The following PCDHA2 variants were observed in gnomAD, a reference collection of about 807,000 sequenced individuals.
The protein encoded by PCDHA2 is protocadherin alpha 2.
In PCDHA2, 58 loss-of-function variants were observed where a neutral mutation model predicts 66.0. That is an observed-to-expected ratio of 0.88 (90% CI 0.71 to 1.09). The LOEUF is 1.09. Ranked by LOEUF, PCDHA2 falls within the 50% of genes least tolerant of loss-of-function variation. The probability of loss-of-function intolerance (pLI) is 0.00; values close to 1 mark genes in which losing one functional copy is unlikely to be tolerated. For synonymous variants in PCDHA2, 634 were observed against 554.0 expected, an observed-to-expected ratio of 1.14 and a Z score of -2.03; for missense variants, 1,267 against 1,242.3, an observed-to-expected ratio of 1.02 and a Z score of -0.30.
intron 1 of PCDHA2, chr5:140,870,613 T>C (rs1562647895): frequency 1.2e-6 from 2 of 1,613,078 alleles, no homozygotes; most frequent in Non-Finnish European, 1.7e-6. Flanking sequence ...CCGCGCGCTG[T>C]CGAGCTACGT....
chr5:140,900,000 A>G (rs1374747791), intron 1 of PCDHA2, among the ~76,000 whole-genome samples: 1 of 151,872 alleles, frequency 6.6e-6, no homozygotes, highest in Non-Finnish European at 1.5e-5. Flanking sequence ...TGTAGAGATG[A>G]GGTCTCACTT....
chr5:140,994,911 A>C (rs527704488), intron 3 of PCDHA2, among the ~76,000 whole-genome samples: 4 of 152,222 alleles, frequency 2.6e-5, no homozygotes, highest in African/African-American at 9.6e-5. Flanking sequence ...TGTAGACTGG[A>C]ATCAGATTTT....
intron 1 of PCDHA2, among the ~76,000 whole-genome samples, chr5:140,972,633 T>G (rs1230723429): frequency 6.6e-6 from 1 of 151,644 alleles, no homozygotes; most frequent in Non-Finnish European, 1.5e-5. Context: ...TGGCACTCCC[T>G]TCAGAGTCTC....
At position 140,926,602 on chromosome 5, in the gene PCDHA2, C is replaced by T. The variant is rs1326525373; in HGVS notation, c.2389-52347C>T. 9 of 324,032 alleles carry T rather than the reference C, an allele frequency of 2.8e-5. No homozygotes were observed. The East Asian group carries it at 4.7e-4, about 17-fold the overall frequency. The allele number at this position is 324,032 out of a possible 1,614,324, so 20.1% of individuals were successfully genotyped here. On this transcript the variant is annotated intron_variant, in intron 1 of 3. Coordinates refer to ENST00000526136, the MANE Select transcript of PCDHA2 (RefSeq NM_018905.3). ...CCTCTCGCGCCCGGGCGGGCGGCCT[C>T]GTCTCTGCACCCCTAGGCGGCGCTG...
At chr5:140,803,635 C>A (rs1763253156) in intron 1 of PCDHA2, 2 of 1,613,642 alleles carry the variant, frequency 1.2e-6, no homozygotes, top group Non-Finnish European at 8.5e-7. Flanking sequence ...CTTTGTTTTT[C>A]ATTCCTCAAT....
chr5:140,884,555 G>C, intron 1 of PCDHA2: 1 of 1,614,098 alleles, frequency 6.2e-7, no homozygotes, highest in Non-Finnish European at 8.5e-7. Context: ...CTCTGGGGAG[G>C]GCCCGCATAA....
In PCDHA2 at chr5:140,796,442, C is replaced by T. The variant is rs533353991; in HGVS notation, c.1478C>T (p.Ser493Leu). 3.1e-6 allele frequency: 5 copies of T among 1,613,292 alleles called. No homozygotes were observed. The highest frequency in any genetic ancestry group is 3.4e-6 in the Non-Finnish European group (4 of 1,179,938). The change falls in exon 1 of 4, where the codon TCG (serine) becomes TTG (leucine). Residue 493 changes from serine (S) to leucine (L), a missense_variant. Transcript: ENST00000526136. ...CAGGAGAACGCGCTGGTGTCCTACT[C>T]GCTGGTGGAGCGGCGGGTGGGCGAG... ...DAQENALVSY[S>L]LVERRVGERA...
At position 140,832,108 on chromosome 5, in the gene PCDHA2, G is replaced by A. The variant is rs1023824002; in HGVS notation, c.2388+34756G>A. The stretch of plus-strand genomic sequence containing the variant: ...TTAAATGCCATGTTCTACATTAAAA[G>A]CAATTTAAAATGTGTGTTTCAAAGT... On this transcript the variant is annotated intron_variant, in intron 1 of 3. Transcript: ENST00000526136. Among the ~76,000 whole-genome samples the A allele has an allele frequency of 1.6e-4, 24 of 152,270 alleles. No homozygotes were observed. The South Asian group carries it at 2.3e-3, about 14-fold the overall frequency.
chr5:140,850,420 C>T lies in PCDHA2; in HGVS notation c.2388+53068C>T. The T allele has an allele frequency of 1.9e-6, 3 of 1,597,930 alleles. 1 individual carries two copies. The highest frequency in any genetic ancestry group is 2.6e-6 in the Non-Finnish European group (3 of 1,167,744). ...ACGCGTGCCCTGGACGAAACGGACG[C>T]ACCGCGCCAGCGCCTACTGGTGCTG... On this transcript the variant is annotated intron_variant, in intron 1 of 3. Transcript: ENST00000526136.
At position 140,796,500 on chromosome 5, in the gene PCDHA2, G is replaced by T. The variant is rs1554119945; in HGVS notation, c.1536G>T (p.Ala512=). ...TGTCGAGCTACGTTTCGGTGCACGC[G>T]GAGAGCGGCAAGGTGTACGCGCTGC... ...RALSSYVSVH[A]ESGKVYALQP... is the part of the protein sequence containing the mutation. Residue 512 remains alanine, a synonymous_variant, in exon 1 of 4, where the codon GCG becomes GCT. Coordinates refer to ENST00000526136, the MANE Select transcript of PCDHA2 (RefSeq NM_018905.3). The T allele has an allele frequency of 1.2e-6, 2 of 1,612,258 alleles. No individual in the cohort carries two copies. The highest frequency in any genetic ancestry group is 1.7e-6 in the Non-Finnish European group (2 of 1,179,842).
chr5:140,873,931 G>A (rs2054580396), intron 1 of PCDHA2, among the ~76,000 whole-genome samples: 1 of 152,172 alleles, frequency 6.6e-6, no homozygotes, highest in African/African-American at 2.4e-5. Flanking sequence ...AAAGTGCTGG[G>A]ATTACAGGTG....
intron 1 of PCDHA2, chr5:140,801,663 G>A (rs782405787): frequency 3.1e-6 from 5 of 1,614,020 alleles, no homozygotes; most frequent in Middle Eastern, 1.6e-4. Context: ...TTCGCTAGAG[G>A]GCGCATCAGA....
chr5:140,883,676 C>T lies in PCDHA2; in HGVS notation c.2388+86324C>T, dbSNP rs986680593. 6.2e-6 allele frequency: 10 copies of T among 1,613,792 alleles called. No homozygotes were observed. In the Admixed American group the frequency reaches 1.0e-4, roughly 16 times the overall value. On this transcript the variant is annotated intron_variant, in intron 1 of 3. Transcript: ENST00000526136. Reference sequence around the variant, plus strand: ...GGTGTTCGTGAAGGAAAACAATCCGCCGGGCTGCCACATCTTCACGGTGTC... The same window carrying T: ...GGTGTTCGTGAAGGAAAACAATCCGTCGGGCTGCCACATCTTCACGGTGTC...
At chr5:140,926,613 C>T (rs868988407) in intron 1 of PCDHA2, 87 of 374,818 alleles carry the variant, frequency 2.3e-4, no homozygotes, top group Middle Eastern at 2.1e-3. Context: ...GTCTCTGCAC[C>T]CCTAGGCGGC....
chr5:140,856,558 A>T lies in PCDHA2; in HGVS notation c.2388+59206A>T, dbSNP rs372031038. 2.5e-6 allele frequency: 4 copies of T among 1,598,086 alleles called. 1 individual carries two copies. The East Asian group carries it at 8.9e-5, about 36-fold the overall frequency. ...GAGAGAACGCATTGCTTACTTACAA[A>T]CTCAGTCCAAATGAGTATTTTGTTC... is the stretch of plus-strand genomic sequence containing the variant. On this transcript the variant is annotated intron_variant, in intron 1 of 3. Coordinates refer to ENST00000526136, the MANE Select transcript of PCDHA2 (RefSeq NM_018905.3).
At position 140,858,244 on chromosome 5, in the gene PCDHA2, G is replaced by T. The variant is rs782743084; in HGVS notation, c.2388+60892G>T. The T allele has an allele frequency of 1.9e-5, 30 of 1,595,808 alleles. 1 individual carries two copies. The highest frequency in any genetic ancestry group is 3.4e-4 in the Middle Eastern group (2 of 5,896). On this transcript the variant is annotated intron_variant, in intron 1 of 3. Transcript: ENST00000526136. Reference sequence around the variant, plus strand: ...CGCCCACCGAGGGCGCATGTGGGCCGGTGAAGCCCACGCTGGTGTGCTCTA... The same window carrying T: ...CGCCCACCGAGGGCGCATGTGGGCCTGTGAAGCCCACGCTGGTGTGCTCTA...
intron 1 of PCDHA2, chr5:140,829,906 G>A (rs2150177512): frequency 6.2e-6 from 10 of 1,613,980 alleles, no homozygotes; most frequent in Non-Finnish European, 8.5e-6. Flanking sequence ...GCTACAACGC[G>A]TGGCTTTCGT....
Position 140,881,379 on chromosome 5 carries a change from C to T in PCDHA2, c.2388+84027C>T, listed in dbSNP as rs1235654163. ...TGGCTTTCGTATGAATTGCAGCCGG[C>T]GGCGGTAAGTTAAATTCTATTAAAT... On this transcript the variant is annotated intron_variant, in intron 1 of 3. Transcript: ENST00000526136. The T allele has an allele frequency of 7.1e-6, 7 of 984,332 alleles. No individual in the cohort carries two copies. In the African/African-American group the frequency reaches 1.0e-4, roughly 15 times the overall value. 61.0% of individuals were successfully genotyped at this position (984,332 alleles called of 1,614,324 possible).
At chr5:140,966,489 C>T in intron 1 of PCDHA2, 1 of 440,146 alleles carries the variant, frequency 2.3e-6, no homozygotes, top group Non-Finnish European at 3.9e-6. Flanking sequence ...TTCCCTCCCC[C>T]TGGAGCTGTA....
Sources: allele counts gnomAD v4.1 joint callset (sites outside exome capture counted in the v4.1 genomes callset), GRCh38; gene constraint gnomAD v4.1.1; transcripts MANE v1.5; gene names NCBI Gene and HGNC (gene_info 2026-07-23, HGNC 2026-07-21).